MYBPC2: variants seen among roughly 807,000 people sequenced by gnomAD.
MYBPC2 encodes the protein myosin binding protein C2, also known as myosin-binding protein C, fast-type.
A neutral mutation model predicts 137.0 loss-of-function variants in MYBPC2; 122 were observed. That is an observed-to-expected ratio of 0.89 (90% CI 0.77 to 1.03). The LOEUF (loss-of-function observed/expected upper bound fraction) is 1.03, where lower values mean the gene tolerates loss of function less well. Ranked by LOEUF, MYBPC2 falls within the 50% of genes least tolerant of loss-of-function variation. The pLI is 0.00. For synonymous variants in MYBPC2, 626 were observed against 612.3 expected, an observed-to-expected ratio of 1.02 and a Z score of -0.33; for missense variants, 1,500 against 1,534.4, an observed-to-expected ratio of 0.98 and a Z score of 0.37.
intron 13 of MYBPC2, among the ~76,000 whole-genome samples, chr19:50,450,020 T>G (rs561330769): frequency 5.3e-5 from 8 of 152,082 alleles, no homozygotes; most frequent in African/African-American, 1.9e-4. Context: ...AGCTGGGTGT[T>G]GTGTTACACG....
intron 26 of MYBPC2, among the ~76,000 whole-genome samples, chr19:50,462,540 C>G (rs538503016): frequency 6.6e-6 from 1 of 152,204 alleles, no homozygotes; most frequent in South Asian, 2.1e-4. Context: ...GAGCCCAAGT[C>G]TCAGACAATC....
rs998176003 is a variant in MYBPC2 at position 50,464,655 on chromosome 19, G to A, written c.3415+123G>A. 26 of 1,154,326 alleles carry A rather than the reference G, an allele frequency of 2.3e-5. No individual in the cohort carries two copies. The South Asian group carries it at 4.5e-4, about 20-fold the overall frequency. The allele number at this position is 1,154,326 out of a possible 1,614,324, so 71.5% of individuals were successfully genotyped here. A position where few individuals can be genotyped will look rare whatever the true frequency, so the allele number is the denominator to read the frequency against. On this transcript the variant is annotated intron_variant, in intron 27 of 27. Transcript: ENST00000357701. ...ACGAGTGAGACCAGCCCTCTGGGAG[G>A]AGGACTGGGAAGCTGCTGTCCTGAA...
At chr19:50,456,131 A>C (rs2039909173) in intron 20 of MYBPC2, among the ~76,000 whole-genome samples, 1 of 109,936 alleles carries the variant, frequency 9.1e-6, no homozygotes, top group Non-Finnish European at 1.8e-5. Flanking sequence ...CATCATTTCC[A>C]TCCATCCATC....
intron 26 of MYBPC2, among the ~76,000 whole-genome samples, chr19:50,463,232 C>G (rs1260367785): frequency 6.6e-6 from 1 of 152,154 alleles, no homozygotes; most frequent in Non-Finnish European, 1.5e-5. Context: ...GTGCGTGGCT[C>G]GCGTTCCAGG....
chr19:50,438,432 G>A (rs12462762), intron 7 of MYBPC2, among the ~76,000 whole-genome samples: 50,443 of 151,920 alleles, frequency 0.33, 8,541 homozygotes, highest in Middle Eastern at 0.39. Flanking sequence ...ATGGATGGAT[G>A]GGGTGGGTGG....
chr19:50,456,697 AAGTGCTGGGATTAC>A lies in MYBPC2; in HGVS notation c.2338+1056_2338+1069del, dbSNP rs2039917918. Among the ~76,000 whole-genome samples the A allele has an allele frequency of 5.9e-5, 9 of 152,102 alleles. No homozygotes were observed. In the South Asian group the frequency reaches 1.7e-3, roughly 28 times the overall value. Reference sequence around the variant, plus strand: ...GTGATCCACCTGCCTCGGCCTCCCAAAGTGCTGGGATTACAGGCATGAGCCATCGCACCCGGCCC... The same window carrying A: ...GTGATCCACCTGCCTCGGCCTCCCAAAGGCATGAGCCATCGCACCCGGCCC... On this transcript the variant is annotated intron_variant, in intron 20 of 27. Coordinates refer to ENST00000357701, the MANE Select transcript of MYBPC2 (RefSeq NM_004533.4).
rs780552922 is a variant in MYBPC2, at chr19:50,455,344, C to T, written c.2203+48C>T. 32 of 1,572,226 alleles carry T rather than the reference C, an allele frequency of 2.0e-5. 1 individual carries two copies. The South Asian group carries it at 3.6e-4, about 18-fold the overall frequency. ...TGCCTATTGGTAATGATGGATCACT[C>T]TGATCCATCAACCCCGTCCACCTCT... is the stretch of plus-strand genomic sequence containing the variant. On this transcript the variant is annotated intron_variant, in intron 19 of 27. Coordinates refer to ENST00000357701, the MANE Select transcript of MYBPC2 (RefSeq NM_004533.4).
At chr19:50,459,627 C>G (rs1331739040) in intron 23 of MYBPC2, among the ~76,000 whole-genome samples, 2 of 22,952 alleles carry the variant, frequency 8.7e-5, no homozygotes, top group Non-Finnish European at 1.5e-4. Context: ...GGAGGTGAGA[C>G]GAGGGGTGGG....
At chr19:50,462,998 G>C (rs2039984769) in intron 26 of MYBPC2, among the ~76,000 whole-genome samples, 1 of 152,310 alleles carries the variant, frequency 6.6e-6, no homozygotes, top group East Asian at 1.9e-4. Context: ...GCCTAGACCA[G>C]CACGGCTCCC....
intron 20 of MYBPC2, among the ~76,000 whole-genome samples, chr19:50,457,748 C>T (rs1424410948): frequency 2.1e-5 from 3 of 145,074 alleles, no homozygotes; most frequent in Non-Finnish European, 4.5e-5. Flanking sequence ...GGGGTGATCT[C>T]GGCTCACTGC....
chr19:50,439,077 T>G (rs958517838), intron 7 of MYBPC2, among the ~76,000 whole-genome samples: 2 of 151,252 alleles, frequency 1.3e-5, no homozygotes, highest in African/African-American at 4.9e-5. Flanking sequence ...CACCAACCCA[T>G]CAATCCATCC....
At chr19:50,444,095 C>A (rs1435524426) in intron 11 of MYBPC2, among the ~76,000 whole-genome samples, 1 of 152,114 alleles carries the variant, frequency 6.6e-6, no homozygotes, top group African/African-American at 2.4e-5. Context: ...TTATCTATTC[C>A]TTGGTCCATC....
At chr19:50,453,066 T>C (rs1330385653) in intron 16 of MYBPC2, among the ~76,000 whole-genome samples, 2 of 152,188 alleles carry the variant, frequency 1.3e-5, no homozygotes, top group Non-Finnish European at 2.9e-5. Context: ...GATGCAACCA[T>C]GAGTTGGATG....
chr19:50,455,584 C>G lies in MYBPC2; in HGVS notation c.2278C>G (p.Pro760Ala), dbSNP rs372638890. The change falls in exon 20 of 28, where the codon CCG (proline) becomes GCG (alanine). Residue 760 changes from proline to alanine, a missense_variant. By Grantham distance (27) the Pro-to-Ala change is conservative. Coordinates refer to ENST00000357701, the MANE Select transcript of MYBPC2 (RefSeq NM_004533.4). ...CACCACCACACTCAAGTGGAGGCCT[C>G]CGAACAGGATCGGGGCAGGTGGCAT... ...DTTTTLKWRP[P>A]NRIGAGGIDG... The G allele has an allele frequency of 6.2e-7, 1 of 1,614,022 alleles. No individual in the cohort carries two copies. The highest frequency in any genetic ancestry group is 8.5e-7 in the Non-Finnish European group (1 of 1,179,896).
intron 26 of MYBPC2, among the ~76,000 whole-genome samples, chr19:50,463,594 T>C (rs531577437): frequency 3.9e-5 from 6 of 152,276 alleles, no homozygotes; most frequent in Admixed American, 3.9e-4. Context: ...AAATTTCCTG[T>C]ATGTTGGGGG....
At chr19:50,450,588 T>C (rs2039846660) in intron 13 of MYBPC2, among the ~76,000 whole-genome samples, 1 of 152,116 alleles carries the variant, frequency 6.6e-6, no homozygotes, top group African/African-American at 2.4e-5. Context: ...ACAACAACCT[T>C]GATGTAGATG....
intron 12 of MYBPC2, among the ~76,000 whole-genome samples, chr19:50,447,813 C>T (rs376875262): frequency 4.6e-5 from 7 of 151,940 alleles, no homozygotes; most frequent in African/African-American, 7.3e-5. Context: ...GCCAAAATCA[C>T]GCCATTGCAG....
rs201130481 is a variant in MYBPC2, at chr19:50,449,182, C to CTAAATAAA, written c.1472+806_1472+813dup. 2.3e-3 allele frequency among the ~76,000 whole-genome samples: 354 copies of CTAAATAAA among 152,176 alleles called. 3 individuals are homozygous for CTAAATAAA. Among genetic ancestry groups the CTAAATAAA allele is most frequent in the African/African-American group, 8.2e-3 (339 of 41,508 alleles). ...TGGGCAACATAGTGAGACACTCTCT[C>CTAAATAAA]TAAATAAATAAATAAATAAATTAGG... On this transcript the variant is annotated intron_variant, in intron 13 of 27. Coordinates refer to ENST00000357701, the MANE Select transcript of MYBPC2 (RefSeq NM_004533.4).
Position 50,456,423 on chromosome 19 carries a change from T to TTC in MYBPC2, c.2338+791_2338+792dup, listed in dbSNP as rs770510886. Among the ~76,000 whole-genome samples the TTC allele has an allele frequency of 3.7e-3, 471 of 128,916 alleles. 3 individuals are homozygous for TTC. The highest frequency in any genetic ancestry group is 8.6e-3 in the Middle Eastern group (2 of 232). The allele number at this position is 128,916 out of a possible 152,430, so 84.6% of individuals were successfully genotyped here. A position where few individuals can be genotyped will look rare whatever the true frequency, so the allele number is the denominator to read the frequency against. On this transcript the variant is annotated intron_variant, in intron 20 of 27. Coordinates refer to ENST00000357701, the MANE Select transcript of MYBPC2 (RefSeq NM_004533.4). ...ATCCATCTGTCCATATTTCCTTCGT[T>TTC]TCTCTCTCTCTCTTTTTTTTTTTTT...
Sources: gnomAD v4.1 joint callset for allele counts (sites outside exome capture counted in the v4.1 genomes callset) on GRCh38, gnomAD v4.1.1 for gene constraint, MANE v1.5 for transcripts, NCBI Gene and HGNC (gene_info 2026-07-23, HGNC 2026-07-21) for gene names.